The following HEMK2 variants were observed in gnomAD, a reference collection of about 807,000 sequenced individuals.
HEMK2 encodes HemK methyltransferase 2, ETF1 glutamine and histone H4 lysine, also known as methyltransferase HEMK2.
the HEMK2 span, among the ~76,000 whole-genome samples, chr21:28,791,256 G>C: frequency 6.6e-6 from 1 of 152,134 alleles, no homozygotes; most frequent in Non-Finnish European, 1.5e-5. Flanking sequence ...TGCGATCAAG[G>C]TTGAGAATAA....
chr21:28,750,554 A>G, the HEMK2 span, among the ~76,000 whole-genome samples: 1 of 152,042 alleles, frequency 6.6e-6, no homozygotes, highest in East Asian at 1.9e-4. Flanking sequence ...TATAAAAACT[A>G]GCTGGATGTG....
the HEMK2 span, among the ~76,000 whole-genome samples, chr21:28,817,779 G>T: frequency 6.6e-6 from 1 of 152,142 alleles, no homozygotes; most frequent in African/African-American, 2.4e-5. Context: ...AGTGTTGGGA[G>T]ACAGTGCAGT....
At chr21:28,665,339 T>A in the HEMK2 span, among the ~76,000 whole-genome samples, 25 of 96,162 alleles carry the variant, frequency 2.6e-4, no homozygotes, top group African/African-American at 1.1e-3. Context: ...TATTTCTTTT[T>A]TTTTTTTTTT....
chr21:28,728,198 T>G, the HEMK2 span, among the ~76,000 whole-genome samples: 2 of 152,244 alleles, frequency 1.3e-5, no homozygotes, highest in South Asian at 2.1e-4. Flanking sequence ...CTTTACAAAT[T>G]AACTATGTAG....
chr21:28,755,542 G>A, the HEMK2 span, among the ~76,000 whole-genome samples: 1 of 152,210 alleles, frequency 6.6e-6, no homozygotes, highest in Non-Finnish European at 1.5e-5. Context: ...TCTATCTTCT[G>A]TGGGAAGAGC....
At chr21:28,768,879 C>G in the HEMK2 span, among the ~76,000 whole-genome samples, 1 of 151,824 alleles carries the variant, frequency 6.6e-6, no homozygotes, top group African/African-American at 2.4e-5. Flanking sequence ...TGTCCTTACA[C>G]AAAGAAGAAA....
At chr21:28,791,384 C>A in the HEMK2 span, among the ~76,000 whole-genome samples, 1 of 151,944 alleles carries the variant, frequency 6.6e-6, no homozygotes, top group Admixed American at 6.6e-5. Flanking sequence ...TATTGTTCCT[C>A]CTGGATAAAG....
At chr21:28,721,006 A>G in the HEMK2 span, among the ~76,000 whole-genome samples, 4 of 152,238 alleles carry the variant, frequency 2.6e-5, no homozygotes, top group Non-Finnish European at 5.9e-5. Flanking sequence ...ATGGATTGCT[A>G]CTGCTCAGTA....
the HEMK2 span, among the ~76,000 whole-genome samples, chr21:28,848,345 C>G: frequency 6.6e-6 from 1 of 152,008 alleles, no homozygotes; most frequent in South Asian, 2.1e-4. Context: ...ATTTTTAAAT[C>G]TAGTAATATT....
chr21:28,613,518 T>G, the HEMK2 span, among the ~76,000 whole-genome samples: 32 of 151,660 alleles, frequency 2.1e-4, no homozygotes, highest in African/African-American at 6.8e-4. Context: ...TATAGAGAGA[T>G]TAAATAACTT....
At chr21:28,639,488 T>C in the HEMK2 span, among the ~76,000 whole-genome samples, 1 of 152,024 alleles carries the variant, frequency 6.6e-6, no homozygotes, top group Non-Finnish European at 1.5e-5. Context: ...TAATAGAAAA[T>C]AGTAACTGAT....
the HEMK2 span, among the ~76,000 whole-genome samples, chr21:28,668,771 T>C: frequency 1.8e-4 from 27 of 152,208 alleles, no homozygotes; most frequent in African/African-American, 6.3e-4. Flanking sequence ...GATATAGGTC[T>C]CAAATGTTGA....
At chr21:28,795,500 T>C in the HEMK2 span, among the ~76,000 whole-genome samples, 1 of 152,238 alleles carries the variant, frequency 6.6e-6, no homozygotes, top group Non-Finnish European at 1.5e-5. Context: ...ACCTTGTCTC[T>C]TCATCTCTTT....
the HEMK2 span, among the ~76,000 whole-genome samples, chr21:28,672,477 C>T: frequency 1.3e-5 from 2 of 152,064 alleles, no homozygotes; most frequent in Non-Finnish European, 2.9e-5. Context: ...AATGTTTGCT[C>T]CTCTGCCCTG....
chr21:28,648,630 C>T, the HEMK2 span, among the ~76,000 whole-genome samples: 1 of 152,108 alleles, frequency 6.6e-6, no homozygotes, highest in Admixed American at 6.5e-5. Context: ...TTTAGTTCAA[C>T]CTTGATCTTC....
the HEMK2 span, among the ~76,000 whole-genome samples, chr21:28,726,001 G>A: frequency 1.3e-5 from 2 of 150,574 alleles, no homozygotes; most frequent in East Asian, 2.0e-4. Context: ...TTCACTTAAC[G>A]ATATAAATGT....
the HEMK2 span, among the ~76,000 whole-genome samples, chr21:28,725,589 T>C: frequency 3.3e-5 from 5 of 152,302 alleles, no homozygotes; most frequent in Admixed American, 3.3e-4. Flanking sequence ...AGTGAGGGCT[T>C]AGGTGCTGCC....
chr21:28,672,261 T>G, the HEMK2 span, among the ~76,000 whole-genome samples: 1 of 152,120 alleles, frequency 6.6e-6, no homozygotes, highest in Admixed American at 6.5e-5. Context: ...CCCTCTGTCT[T>G]CCTCAGGTTA....
the HEMK2 span, among the ~76,000 whole-genome samples, chr21:28,869,675 G>A: frequency 2.0e-5 from 3 of 152,200 alleles, no homozygotes; most frequent in Non-Finnish European, 4.4e-5. Context: ...GGCTGACTGT[G>A]ATGGTGGCAC....
Sources: gnomAD v4.1 joint callset for allele counts (sites outside exome capture counted in the v4.1 genomes callset) on GRCh38, gnomAD v4.1.1 for gene constraint, MANE v1.5 for transcripts, NCBI Gene and HGNC (gene_info 2026-07-23, HGNC 2026-07-21) for gene names.